COL6A6: variants seen among roughly 807,000 people sequenced by gnomAD.
COL6A6 encodes the protein collagen type VI alpha 6 chain, also known as collagen alpha-6(VI) chain.
A neutral mutation model predicts 208.6 loss-of-function variants in COL6A6; 183 were observed. The observed-to-expected ratio is 0.88, with a 90% CI of 0.78 to 0.99. COL6A6 has a LOEUF of 0.99. Ranked by LOEUF, COL6A6 falls within the 50% of genes least tolerant of loss-of-function variation. The pLI is 0.00. For synonymous variants in COL6A6, 973 were observed against 1,011.8 expected (o/e 0.96, Z 0.73); for missense variants, 2,816 against 2,815.2 (o/e 1.00, Z -0.01).
rs757137590 is a variant in COL6A6 at position 130,661,898 on chromosome 3, C to A, written c.6092C>A (p.Ala2031Asp). 1 of 1,613,978 alleles carries A rather than the reference C, an allele frequency of 6.2e-7. No individual in the cohort carries two copies. The highest frequency in any genetic ancestry group is 1.1e-5 in the South Asian group (1 of 91,082). ...LPNTQKSPVR[A>D]EFNLTTYRSK... is the part of the protein sequence containing the mutation. ...AACACTCAGAAGAGTCCAGTTAGAG[C>A]TGAGTTCAATCTTACCACCTACAGA... is the stretch of plus-strand genomic sequence containing the variant. The change falls in exon 35 of 37, where the codon GCT (alanine) becomes GAT (aspartate). Residue 2031 changes from alanine to aspartate, a missense_variant. Ala to Asp is a moderately radical substitution (Grantham distance 126). Transcript: ENST00000358511.
chr3:130,616,837 G>A (rs1356156236), intron 23 of COL6A6, among the ~76,000 whole-genome samples: 1 of 152,066 alleles, frequency 6.6e-6, no homozygotes, highest in Non-Finnish European at 1.5e-5. Flanking sequence ...GTGACCTTGG[G>A]GAATTTATGT....
chr3:130,573,742 A>AT (rs1046826246), intron 7 of COL6A6, among the ~76,000 whole-genome samples: 13 of 151,268 alleles, frequency 8.6e-5, no homozygotes, highest in Admixed American at 5.3e-4. Flanking sequence ...AATTTTTTTA[A>AT]TTTTTTTTAG....
chr3:130,671,323 AAT>A (rs2066209589), intron 36 of COL6A6, among the ~76,000 whole-genome samples: 1 of 152,160 alleles, frequency 6.6e-6, no homozygotes, highest in African/African-American at 2.4e-5. Context: ...TTTGCAGAGA[AAT>A]ATGAGTGGGA....
chr3:130,570,790 A>G (rs1172006034), intron 6 of COL6A6, 28 bp from the exon 7 acceptor site: 2 of 1,562,342 alleles, frequency 1.3e-6, no homozygotes, highest in African/African-American at 1.4e-5. Context: ...CTAATCTCAT[A>G]TGGTTTACCT....
In COL6A6 at chr3:130,608,934, T is replaced by C. The variant is rs779414973; in HGVS notation, c.4722T>C (p.Leu1574=). The stretch of plus-strand genomic sequence containing the variant: ...CAGGCATCCCAGGACCAGATGGACT[T>C]GAAGGCTCCCTGGGACTTAAGGGCC... ...GTAGIPGPDG[L]EGSLGLKGPQ... The change falls in exon 22 of 37, where the codon CTT becomes CTC. Residue 1574 remains leucine (L), a synonymous_variant. Transcript: ENST00000358511. The C allele has an allele frequency of 5.0e-6, 8 of 1,613,636 alleles. No homozygotes were observed. The highest frequency in any genetic ancestry group is 5.9e-6 in the Non-Finnish European group (7 of 1,179,712).
At chr3:130,552,753 G>A (rs2062673642) in intron 1 of COL6A6, among the ~76,000 whole-genome samples, 1 of 152,168 alleles carries the variant, frequency 6.6e-6, no homozygotes, top group East Asian at 1.9e-4. Context: ...ACTGGTTTAT[G>A]TACTTCAGTG....
rs760982519 is a variant in COL6A6 at position 130,567,110 on chromosome 3, A to C, written c.1691A>C (p.His564Pro). ...CCTGCAAACAGACTGAGAGAAGAGCACATCCGAGTTTATGCTATCGGGATC... is the reference window on the plus strand; with the variant it reads ...CCTGCAAACAGACTGAGAGAAGAGCCCATCCGAGTTTATGCTATCGGGATC... ...LEPANRLREE[H>P]IRVYAIGIKE... The change falls in exon 5 of 37, where the codon CAC becomes CCC. Residue 564 changes from histidine (H) to proline (P), a missense_variant. Transcript: ENST00000358511. 33 of 1,614,010 alleles carry C rather than the reference A, an allele frequency of 2.0e-5. No individual in the cohort carries two copies. The highest frequency in any genetic ancestry group is 2.7e-5 in the Non-Finnish European group (32 of 1,179,872).
intron 23 of COL6A6, among the ~76,000 whole-genome samples, chr3:130,620,359 G>A (rs914129893): frequency 6.6e-6 from 1 of 152,288 alleles, no homozygotes; most frequent in African/African-American, 2.4e-5. Flanking sequence ...AGCCTTCAAA[G>A]GTTCATGAGA....
chr3:130,649,517 G>A lies in COL6A6; in HGVS notation c.5688G>A (p.Val1896=), dbSNP rs1319255992. The A allele has an allele frequency of 1.3e-5, 21 of 1,603,170 alleles. No homozygotes were observed. The highest frequency in any genetic ancestry group is 1.7e-5 in the Non-Finnish European group (20 of 1,174,626). Reference sequence around the variant, plus strand: ...TCGGCGCGCTTGAAATCATTCCCGTGGTGATCACTTTCAGCAACGTGCCCT... The same window carrying A: ...TCGGCGCGCTTGAAATCATTCCCGTAGTGATCACTTTCAGCAACGTGCCCT... The part of the protein sequence containing the change: ...MEFGALEIIP[V]VITFSNVPSV... Residue 1896 remains valine, a synonymous_variant, in exon 33 of 37, where the codon GTG becomes GTA. Transcript: ENST00000358511.
chr3:130,566,346 G>T (rs1463479647), intron 4 of COL6A6, among the ~76,000 whole-genome samples: 1 of 152,182 alleles, frequency 6.6e-6, no homozygotes, highest in African/African-American at 2.4e-5. Context: ...TACCTGTCCA[G>T]TTAAACACCT....
intron 13 of COL6A6, 57 bp from the exon 14 acceptor site, chr3:130,592,484 A>T: frequency 7.2e-7 from 1 of 1,388,750 alleles, no homozygotes; most frequent in Non-Finnish European, 9.9e-7. Context: ...TCAAGTTTTC[A>T]AGACAGATCT....
intron 5 of COL6A6, among the ~76,000 whole-genome samples, chr3:130,567,681 G>T (rs965631279): frequency 6.6e-6 from 1 of 152,110 alleles, no homozygotes; most frequent in African/African-American, 2.4e-5. Flanking sequence ...GAGGTTATTT[G>T]TCAACGCCTA....
chr3:130,620,941 A>T (rs974870100), intron 23 of COL6A6, among the ~76,000 whole-genome samples: 2 of 152,178 alleles, frequency 1.3e-5, no homozygotes, highest in Non-Finnish European at 2.9e-5. Context: ...CTCTTTCCAT[A>T]TGTTTAGATA....
At chr3:130,539,466 T>A (rs1050153142) in intron 1 of COL6A6, among the ~76,000 whole-genome samples, 1 of 152,142 alleles carries the variant, frequency 6.6e-6, no homozygotes, top group Non-Finnish European at 1.5e-5. Flanking sequence ...AAACCCCGTC[T>A]CTACTAAAAA....
chr3:130,593,172 T>A, intron 16 of COL6A6, 27 bp from the exon 17 acceptor site: 1 of 1,611,884 alleles, frequency 6.2e-7, no homozygotes, highest in South Asian at 1.1e-5. Flanking sequence ...AGAATTCTAT[T>A]AATAGCTTTC....
chr3:130,673,191 CAAAAAAACAAAAAAAACA>C (rs767159960), intron 36 of COL6A6, among the ~76,000 whole-genome samples: 3 of 62,394 alleles, frequency 4.8e-5, no homozygotes, highest in African/African-American at 3.0e-4. Context: ...AAAAAAAAAA[CAAAAAAACAAAAAAAACA>C]AAAAAAACAA....
intron 1 of COL6A6, among the ~76,000 whole-genome samples, chr3:130,558,482 T>G (rs1322931393): frequency 1.3e-5 from 2 of 152,230 alleles, no homozygotes; most frequent in Non-Finnish European, 2.9e-5. Context: ...AACTTAACTT[T>G]TGAGTAAATA....
intron 18 of COL6A6, among the ~76,000 whole-genome samples, chr3:130,597,213 G>A (rs527781559): frequency 8.7e-4 from 132 of 152,190 alleles, no homozygotes; most frequent in South Asian, 1.0e-3. Flanking sequence ...TGTAATTGAG[G>A]TATACCCTGC....
chr3:130,591,101 C>T lies in COL6A6; in HGVS notation c.4272+7C>T, dbSNP rs748094274. 1 of 1,574,670 alleles carries T rather than the reference C, an allele frequency of 6.4e-7. No individual in the cohort carries two copies. The highest frequency in any genetic ancestry group is 1.2e-5 in the South Asian group (1 of 85,942). ...GGGAGAGGAGGGAATCGCTGTAAGT[C>T]AGGGCTCTTTTTTACCTCCATTTAT... is the stretch of plus-strand genomic sequence containing the variant. On this transcript the variant is annotated splice_region_variant and intron_variant, in intron 13 of 36. Coordinates refer to ENST00000358511, the MANE Select transcript of COL6A6 (RefSeq NM_001102608.3).
Sources: gnomAD v4.1 joint callset for allele counts (sites outside exome capture counted in the v4.1 genomes callset) on GRCh38, gnomAD v4.1.1 for gene constraint, MANE v1.5 for transcripts, NCBI Gene and HGNC (gene_info 2026-07-23, HGNC 2026-07-21) for gene names.